FBXW2: variants seen among roughly 807,000 people sequenced by gnomAD.
The protein encoded by FBXW2 is F-box and WD repeat domain containing 2.
A neutral mutation model predicts 46.0 loss-of-function variants in FBXW2; 12 were observed. That is an observed-to-expected ratio of 0.26 (90% CI 0.17 to 0.42). The LOEUF is 0.42. Among genes scored for constraint, FBXW2 ranks in the 10% least tolerant of loss-of-function variants. The probability of loss-of-function intolerance (pLI) is 1.00; values close to 1 mark genes in which losing one functional copy is unlikely to be tolerated. For missense variants in FBXW2, 360 were observed against 537.0 expected (o/e 0.67, Z 3.26); for synonymous variants, 203 against 209.6 (o/e 0.97, Z 0.27).
In FBXW2 at chr9:120,772,844, C is replaced by T. The variant is rs1297643827; in HGVS notation, c.820-4G>A. 6.9e-6 allele frequency: 11 copies of T among 1,599,792 alleles called. No homozygotes were observed. Among genetic ancestry groups the T allele is most frequent in the South Asian group, 2.2e-5 (2 of 90,524 alleles). Reference sequence around the variant, plus strand: ...CTTTGCACTTCTGCAAAACTACCTGCAAATGTAAACCATGTTACGGAAAGA... The same window carrying T: ...CTTTGCACTTCTGCAAAACTACCTGTAAATGTAAACCATGTTACGGAAAGA... On this transcript the variant is annotated splice_polypyrimidine_tract_variant and splice_region_variant and intron_variant, in intron 5 of 7. Transcript: ENST00000608872.
chr9:120,776,040 C>G, intron 5 of FBXW2, 53 bp downstream of exon 5: 1 of 1,600,442 alleles, frequency 6.2e-7, no homozygotes, highest in Non-Finnish European at 8.5e-7. Context: ...CCATCCTCCA[C>G]GCCCTCCCTC....
chr9:120,773,946 T>C (rs1032582571), intron 5 of FBXW2, among the ~76,000 whole-genome samples: 1 of 152,114 alleles, frequency 6.6e-6, no homozygotes, highest in African/African-American at 2.4e-5. Flanking sequence ...ATCCCAGCAC[T>C]TTGAGAGGCC....
rs1001583110 is a variant in FBXW2 at position 120,762,970 on chromosome 9, A to G, written c.*1589T>C. On this transcript the variant is annotated 3_prime_UTR_variant, in exon 8 of 8. Coordinates refer to ENST00000608872, the MANE Select transcript of FBXW2 (RefSeq NM_012164.4). ...TCTCTCCCTGATTGTGACCACTAAC[A>G]TTTCCACTGCTGAATCACAAAATTA... The G allele has an allele frequency of 6.6e-6, 1 of 152,194 alleles. No individual in the cohort carries two copies. The highest frequency in any genetic ancestry group is 6.5e-5 in the Admixed American group (1 of 15,274). 9.4% of individuals were successfully genotyped at this position (152,194 alleles called of 1,614,324 possible). A position where few individuals can be genotyped will look rare whatever the true frequency, so the allele number is the denominator to read the frequency against.
At chr9:120,790,012 G>A (rs112294376) in intron 2 of FBXW2, among the ~76,000 whole-genome samples, 6 of 152,232 alleles carry the variant, frequency 3.9e-5, no homozygotes, top group South Asian at 2.1e-4. Flanking sequence ...GACTTATCAC[G>A]CAATAACAAG....
rs2044202124 is a variant in FBXW2, at chr9:120,761,954, T to C, written c.*2605A>G. 2 of 152,278 alleles carry C rather than the reference T, an allele frequency of 1.3e-5. No individual in the cohort carries two copies. The highest frequency in any genetic ancestry group is 1.3e-4 in the Admixed American group (2 of 15,292). 9.4% of individuals were successfully genotyped at this position (152,278 alleles called of 1,614,324 possible). A position where few individuals can be genotyped will look rare whatever the true frequency, so the allele number is the denominator to read the frequency against. On this transcript the variant is annotated 3_prime_UTR_variant, in exon 8 of 8. Coordinates refer to ENST00000608872, the MANE Select transcript of FBXW2 (RefSeq NM_012164.4). The stretch of plus-strand genomic sequence containing the variant: ...TTTTCCCACAAATGATTATAATTAC[T>C]TGCCCTTTGAAGCTATTGGATAGAT...
intron 4 of FBXW2, chr9:120,776,542 TTATC>T: frequency 4.3e-6 from 1 of 231,546 alleles, no homozygotes; most frequent in South Asian, 6.8e-5. Flanking sequence ...ACACAATACT[TTATC>T]TAATTTATGC....
At position 120,784,000 on chromosome 9, in the gene FBXW2, A is replaced by T. The variant is rs556074843; in HGVS notation, c.490+3769T>A. 3.9e-5 allele frequency among the ~76,000 whole-genome samples: 6 copies of T among 152,364 alleles called. No individual in the cohort carries two copies. The South Asian group carries it at 8.3e-4, about 21-fold the overall frequency. ...GTAACAAGATGACACAAACACATGT[A>T]CAATTCTGTCACAAATACCTCTCTT... On this transcript the variant is annotated intron_variant, in intron 3 of 7. Transcript: ENST00000608872.
chr9:120,787,970 C>A lies in FBXW2; in HGVS notation c.289G>T (p.Val97Leu). ...AAATTTTTACATGCAGTCTGCCACA[C>A]CTCTGTACAGGCACTTATCACCTTA... ...WNKVISACTE[V>L]WQTACKNLGW... is the part of the protein sequence containing the mutation. The change falls in exon 3 of 8, where the codon GTG (valine) becomes TTG (leucine). Residue 97 changes from valine (V) to leucine (L), a missense_variant. Val to Leu is a conservative substitution (Grantham distance 32). Coordinates refer to ENST00000608872, the MANE Select transcript of FBXW2 (RefSeq NM_012164.4). 1 of 1,614,194 alleles carries A rather than the reference C, an allele frequency of 6.2e-7. No homozygotes were observed. Among genetic ancestry groups the A allele is most frequent in the Non-Finnish European group, 8.5e-7 (1 of 1,180,038 alleles).
intron 3 of FBXW2, among the ~76,000 whole-genome samples, chr9:120,781,830 C>A (rs548668855): frequency 6.6e-6 from 1 of 151,994 alleles, no homozygotes; most frequent in Non-Finnish European, 1.5e-5. Flanking sequence ...TGAGACCTGC[C>A]TTACCAACGT....
At chr9:120,777,146 G>A (rs2131327422) in intron 4 of FBXW2, among the ~76,000 whole-genome samples, 1 of 152,304 alleles carries the variant, frequency 6.6e-6, no homozygotes, top group South Asian at 2.1e-4. Context: ...AATTTTTAGA[G>A]CAGGGTTCTC....
chr9:120,773,023 TAA>T (rs1297910890), intron 5 of FBXW2, among the ~76,000 whole-genome samples, 183 bp from the exon 6 acceptor site: 1 of 152,134 alleles, frequency 6.6e-6, no homozygotes, highest in Non-Finnish European at 1.5e-5. Flanking sequence ...TAGCAGTATC[TAA>T]AAGTGTCTAA....
rs2044167123 is a variant in FBXW2, at chr9:120,759,615, AAT to A, written c.*4942_*4943del. 1 of 152,228 alleles carries A rather than the reference AAT, an allele frequency of 6.6e-6. No individual in the cohort carries two copies. Among genetic ancestry groups the A allele is most frequent in the Admixed American group, 6.5e-5 (1 of 15,280 alleles). The allele number at this position is 152,228 out of a possible 1,614,324, so 9.4% of individuals were successfully genotyped here. On this transcript the variant is annotated 3_prime_UTR_variant, in exon 8 of 8. Transcript: ENST00000608872. Reference sequence around the variant, plus strand: ...AAGTATACTAAGTCTAAATCAGTGAAATATGCCTGTTCACAATCTGAGTACAA... The same window carrying A: ...AAGTATACTAAGTCTAAATCAGTGAAATGCCTGTTCACAATCTGAGTACAA...
In FBXW2 at chr9:120,763,915, C is replaced by T. The variant is rs2044231032; in HGVS notation, c.*644G>A. The T allele has an allele frequency of 6.6e-6, 1 of 152,486 alleles. No homozygotes were observed. 9.4% of individuals were successfully genotyped at this position (152,486 alleles called of 1,614,324 possible). ...ACATGGCAACAAAAACTACAGAACT[C>T]GCTCACATCTTAAACATGGCCAACC... is the stretch of plus-strand genomic sequence containing the variant. On this transcript the variant is annotated 3_prime_UTR_variant, in exon 8 of 8. Transcript: ENST00000608872.
At chr9:120,785,175 T>G (rs2044694791) in intron 3 of FBXW2, among the ~76,000 whole-genome samples, 1 of 151,686 alleles carries the variant, frequency 6.6e-6, no homozygotes. Context: ...CACCCAGCTG[T>G]TTTTTTATTT....
rs2044238096 is a variant in FBXW2, at chr9:120,764,410, C to T, written c.*149G>A. 1 of 909,370 alleles carries T rather than the reference C, an allele frequency of 1.1e-6. No homozygotes were observed. 56.3% of individuals were successfully genotyped at this position (909,370 alleles called of 1,614,324 possible). On this transcript the variant is annotated 3_prime_UTR_variant, in exon 8 of 8. Coordinates refer to ENST00000608872, the MANE Select transcript of FBXW2 (RefSeq NM_012164.4). The stretch of plus-strand genomic sequence containing the variant: ...GCCCTCCCCCACCCCGAGCCCTGGC[C>T]CCTGGCAAAACATAGATAAATGATT...
chr9:120,772,500 C>CCAA (rs61395006), intron 6 of FBXW2, among the ~76,000 whole-genome samples: 145,760 of 151,966 alleles, frequency 0.96, 69,906 homozygotes, highest in East Asian at 1. Flanking sequence ...CAAAAAAAAA[C>CCAA]CAACAACAAA....
At chr9:120,765,728 A>C (rs2044264788) in intron 7 of FBXW2, among the ~76,000 whole-genome samples, 1 of 152,236 alleles carries the variant, frequency 6.6e-6, no homozygotes, top group African/African-American at 2.4e-5. Flanking sequence ...TAAAGGCTGA[A>C]AATATTTAAA....
chr9:120,764,946 T>A, intron 7 of FBXW2, 99 bp from the exon 8 acceptor site: 1 of 982,420 alleles, frequency 1.0e-6, no homozygotes, highest in Non-Finnish European at 1.5e-6. Context: ...AATATTAAAT[T>A]CAAGCAAATT....
intron 7 of FBXW2, 102 bp from the exon 8 acceptor site, chr9:120,764,949 A>T: frequency 1.0e-6 from 1 of 955,544 alleles, no homozygotes; most frequent in Middle Eastern, 2.9e-4. Flanking sequence ...ATTAAATTCA[A>T]GCAAATTTAG....
Sources: allele counts gnomAD v4.1 joint callset (sites outside exome capture counted in the v4.1 genomes callset), GRCh38; gene constraint gnomAD v4.1.1; transcripts MANE v1.5; gene names NCBI Gene and HGNC (gene_info 2026-07-23, HGNC 2026-07-21).